The following SMIM21 variants were observed in gnomAD, a reference collection of about 807,000 sequenced individuals.
The protein encoded by SMIM21 is chromosome 18 open reading frame 62.
Under a neutral mutation model 8.6 loss-of-function variants are expected in SMIM21, and 8 were observed. The ratio of observed to expected loss-of-function variants is 0.93; its 90% CI spans 0.55 to 1.68. The LOEUF (loss-of-function observed/expected upper bound fraction) is 1.68, where lower values mean the gene tolerates loss of function less well. Ranked by LOEUF, SMIM21 falls within the 40% of genes most tolerant of loss-of-function variation. The probability of loss-of-function intolerance (pLI) is 0.00; values close to 1 mark genes in which losing one functional copy is unlikely to be tolerated. For synonymous variants in SMIM21, 43 were observed against 41.7 expected (o/e 1.03, Z -0.12); for missense variants, 132 against 123.0 (o/e 1.07, Z -0.35).
intron 2 of SMIM21, among the ~76,000 whole-genome samples, chr18:75,414,286 A>G (rs545151909): frequency 1.3e-5 from 2 of 152,300 alleles, no homozygotes; most frequent in East Asian, 1.9e-4. Context: ...CTTGGTTGCA[A>G]AAAGTGTTTT....
intron 2 of SMIM21, among the ~76,000 whole-genome samples, chr18:75,415,083 A>G (rs532826734): frequency 3.4e-4 from 52 of 152,204 alleles, no homozygotes; most frequent in Middle Eastern, 3.4e-3. Context: ...TGGGTCCCTA[A>G]TGGAAGAGAC....
At chr18:75,411,149 A>G (rs1010573620) in intron 2 of SMIM21, among the ~76,000 whole-genome samples, 1 of 152,214 alleles carries the variant, frequency 6.6e-6, no homozygotes, top group African/African-American at 2.4e-5. Context: ...TTCTCTGAGA[A>G]TGAAACACCA....
chr18:75,412,746 T>C (rs955634299), intron 2 of SMIM21, among the ~76,000 whole-genome samples: 4 of 152,098 alleles, frequency 2.6e-5, no homozygotes, highest in Admixed American at 6.5e-5. Context: ...AGGCTCTGAG[T>C]GCTGAGTCTC....
At chr18:75,423,024 T>C (rs1348979505) in intron 1 of SMIM21, among the ~76,000 whole-genome samples, 1 of 152,222 alleles carries the variant, frequency 6.6e-6, no homozygotes, top group Admixed American at 6.5e-5. Flanking sequence ...GAGAATTCAG[T>C]AAAAGACTTG....
intron 1 of SMIM21, among the ~76,000 whole-genome samples, chr18:75,426,340 C>A (rs180971520): frequency 1.6e-4 from 25 of 151,974 alleles, no homozygotes; most frequent in African/African-American, 4.8e-4. Context: ...GACAGAGTCT[C>A]GCTCTGTCAC....
Position 75,418,876 on chromosome 18 carries a change from A to G in SMIM21, c.170T>C (p.Val57Ala). 6.2e-7 allele frequency: 1 copy of G among 1,606,158 alleles called. No individual in the cohort carries two copies. The highest frequency in any genetic ancestry group is 1.7e-5 in the Admixed American group (1 of 60,016). ...EHHIRFFTLL[V>A]LFHVMVLLRN... ...CAGCAACACCATCACATGGAAAAGA[A>G]CCAACAATGTGAAGAAACGAATATG... Residue 57 changes from valine to alanine, a missense_variant, in exon 2 of 3, where the codon GTT becomes GCT. Val to Ala is a moderately conservative substitution (Grantham distance 64, BLOSUM62 0). Transcript: ENST00000579022.
intron 2 of SMIM21, among the ~76,000 whole-genome samples, chr18:75,415,390 C>T (rs892157317): frequency 9.2e-5 from 14 of 152,322 alleles, no homozygotes; most frequent in African/African-American, 2.4e-4. Flanking sequence ...CCTGCTCCAG[C>T]GACTGGCTCC....
At chr18:75,412,402 C>T (rs1232244358) in intron 2 of SMIM21, 5 of 152,140 alleles carry the variant, frequency 3.3e-5, no homozygotes, top group Non-Finnish European at 5.9e-5. Flanking sequence ...TTTGCCAGTC[C>T]TTAATTAGGT....
chr18:75,416,730 A>C (rs536802587), intron 2 of SMIM21: 8 of 152,304 alleles, frequency 5.3e-5, no homozygotes, highest in African/African-American at 1.9e-4. Context: ...AAAAAACCAT[A>C]CTTTTTGCTA....
rs1388878541 is a variant in SMIM21 at position 75,410,325 on chromosome 18, G to GT, written c.*538dup. 1 of 152,984 alleles carries GT rather than the reference G, an allele frequency of 6.5e-6. No individual in the cohort carries two copies. The highest frequency in any genetic ancestry group is 1.5e-5 in the Non-Finnish European group (1 of 68,368). 9.5% of individuals were successfully genotyped at this position (152,984 alleles called of 1,614,324 possible). A position where few individuals can be genotyped will look rare whatever the true frequency, so the allele number is the denominator to read the frequency against. ...TTTATTACAGTAATGAGGACTGTCG[G>GT]TTTTTTCATCTCCTCTAATATGTTA... On this transcript the variant is annotated 3_prime_UTR_variant, in exon 3 of 3. Coordinates refer to ENST00000579022, the MANE Select transcript of SMIM21 (RefSeq NM_001037331.3).
intron 1 of SMIM21, among the ~76,000 whole-genome samples, chr18:75,421,427 C>T (rs776677631): frequency 6.6e-6 from 1 of 152,058 alleles, no homozygotes; most frequent in African/African-American, 2.4e-5. Context: ...TCTCCTGTGG[C>T]TCCCACCGTG....
At chr18:75,426,863 A>G (rs907484793) in intron 1 of SMIM21, among the ~76,000 whole-genome samples, 17 of 152,192 alleles carry the variant, frequency 1.1e-4, no homozygotes, top group African/African-American at 3.9e-4. Flanking sequence ...TGGGTCATAA[A>G]CTTCCTTTTC....
In SMIM21 at chr18:75,418,237, T is replaced by C. The variant is rs367945280; in HGVS notation, c.260+549A>G. The C allele has an allele frequency of 9.8e-5, 39 of 398,380 alleles. 1 individual carries two copies. Among genetic ancestry groups the C allele is most frequent in the East Asian group, 4.6e-4 (13 of 28,072 alleles). The allele number at this position is 398,380 out of a possible 1,614,324, so 24.7% of individuals were successfully genotyped here. On this transcript the variant is annotated intron_variant, in intron 2 of 2. Transcript: ENST00000579022. Reference sequence around the variant, plus strand: ...ATTAATATGCCTTCCAGTTTAAATATAAGCCTCTGAAAACGTTTCCAGCCA... The same window carrying C: ...ATTAATATGCCTTCCAGTTTAAATACAAGCCTCTGAAAACGTTTCCAGCCA...
chr18:75,418,642 C>T (rs919383662), intron 2 of SMIM21, 144 bp downstream of exon 2: 1 of 702,842 alleles, frequency 1.4e-6, no homozygotes, highest in Admixed American at 3.1e-5. Flanking sequence ...TTGATAGCTA[C>T]CCAGCATGTG....
Position 75,422,598 on chromosome 18 carries a change from T to A in SMIM21, c.130-3682A>T, listed in dbSNP as rs1161803885. Reference sequence around the variant, plus strand: ...CAAGTGATGAATGGATATACTAAATTTGATAAATCCGTAGAGTGGAATATT... The same window carrying A: ...CAAGTGATGAATGGATATACTAAATATGATAAATCCGTAGAGTGGAATATT... On this transcript the variant is annotated intron_variant, in intron 1 of 2. Transcript: ENST00000579022. Among the ~76,000 whole-genome samples, 3 of 152,174 alleles carry A rather than the reference T, an allele frequency of 2.0e-5. No individual in the cohort carries two copies. The East Asian group carries it at 5.8e-4, about 29-fold the overall frequency.
chr18:75,415,828 A>G (rs1456706568), intron 2 of SMIM21, among the ~76,000 whole-genome samples: 1 of 152,202 alleles, frequency 6.6e-6, no homozygotes, highest in Non-Finnish European at 1.5e-5. Flanking sequence ...TATTCAGCTT[A>G]ATGGTGGCAT....
intron 1 of SMIM21, among the ~76,000 whole-genome samples, 154 bp downstream of exon 1, chr18:75,427,281 C>T (rs1049081117): frequency 2.6e-5 from 4 of 152,250 alleles, no homozygotes; most frequent in Non-Finnish European, 4.4e-5. Context: ...AAAGAAAGAG[C>T]TCTGGATTGA....
At chr18:75,411,967 A>G (rs554984279) in intron 2 of SMIM21, among the ~76,000 whole-genome samples, 2 of 152,366 alleles carry the variant, frequency 1.3e-5, no homozygotes, top group Admixed American at 1.3e-4. Context: ...ACAGATATTA[A>G]TAAATCACCA....
At chr18:75,419,296 A>G (rs995467127) in intron 1 of SMIM21, among the ~76,000 whole-genome samples, 25 of 152,214 alleles carry the variant, frequency 1.6e-4, no homozygotes, top group Non-Finnish European at 4.4e-5. Context: ...TGAGTTATCA[A>G]ACAGATCTGT....
Sources: gnomAD v4.1 joint callset for allele counts (sites outside exome capture counted in the v4.1 genomes callset) on GRCh38, gnomAD v4.1.1 for gene constraint, MANE v1.5 for transcripts, NCBI Gene and HGNC (gene_info 2026-07-23, HGNC 2026-07-21) for gene names.